The following IL12RB1 variants were observed in gnomAD, a reference collection of about 807,000 sequenced individuals.
IL12RB1 encodes interleukin-12 receptor subunit beta-1.
A neutral mutation model predicts 94.4 loss-of-function variants in IL12RB1; 64 were observed. The ratio of observed to expected loss-of-function variants is 0.68; its 90% CI spans 0.55 to 0.83. The LOEUF (loss-of-function observed/expected upper bound fraction) is 0.83, where lower values mean the gene tolerates loss of function less well. IL12RB1 is among the 40% of genes least tolerant of loss of function. The pLI is 0.00. For missense variants in IL12RB1, 814 were observed against 855.6 expected (o/e 0.95, Z 0.61); for synonymous variants, 362 against 355.5 (o/e 1.02, Z -0.21).
intron 1 of IL12RB1, among the ~76,000 whole-genome samples, chr19:18,096,425 C>A (rs1000093999): frequency 6.6e-6 from 1 of 152,048 alleles, no homozygotes; most frequent in Non-Finnish European, 1.5e-5. Flanking sequence ...ACAACTGCAG[C>A]GGCTACCTGC....
In IL12RB1 at chr19:18,075,092, A is replaced by C. The variant is rs1419406359; in HGVS notation, c.700+657T>G. Among the ~76,000 whole-genome samples the C allele has an allele frequency of 5.9e-5, 9 of 151,806 alleles. No individual in the cohort carries two copies. The East Asian group carries it at 7.8e-4, about 13-fold the overall frequency. On this transcript the variant is annotated intron_variant, in intron 7 of 16. Coordinates refer to ENST00000593993, the MANE Select transcript of IL12RB1 (RefSeq NM_005535.3). ...AAAAAACAACAAACAAACAAACAAA[A>C]AAAACAGCAGCAAAAAACCCTAAAG...
At position 18,082,188 on chromosome 19, in the gene IL12RB1, C is replaced by T. The variant is rs774683841; in HGVS notation, c.201G>A (p.Glu67=). 1.9e-6 allele frequency: 3 copies of T among 1,613,722 alleles called. No individual in the cohort carries two copies. The South Asian group carries it at 3.3e-5, about 18-fold the overall frequency. The change falls in exon 3 of 17, where the codon GAG becomes GAA. Residue 67 remains glutamate, a synonymous_variant. Transcript: ENST00000593993. ...AGTGGCTGACCCCAGCTGTGGGACC[C>T]TCATACTGCCAGGAGCACTCGTAAC... ...SDRYECSWQY[E]GPTAGVSHFL... is the part of the protein sequence containing the mutation.
intron 12 of IL12RB1, 54 bp downstream of exon 12, chr19:18,066,488 A>G: frequency 7.7e-7 from 1 of 1,295,582 alleles, no homozygotes; most frequent in Non-Finnish European, 1.1e-6. Flanking sequence ...AAGAGAGATC[A>G]CAGGCCAGGA....
intron 6 of IL12RB1, 97 bp downstream of exon 6, chr19:18,076,200 A>G (rs1231005766): frequency 1.3e-6 from 1 of 774,262 alleles, no homozygotes; most frequent in Non-Finnish European, 2.4e-6. Flanking sequence ...GGTAAGAGGC[A>G]TACAAAAAAA....
chr19:18,084,672 TCC>T (rs1568522723), intron 1 of IL12RB1, among the ~76,000 whole-genome samples: 10 of 151,804 alleles, frequency 6.6e-5, no homozygotes, highest in Non-Finnish European at 1.5e-4. Flanking sequence ...CATCCATCCA[TCC>T]ATCCATCCAT....
chr19:18,065,588 G>A (rs2034517274), intron 12 of IL12RB1, among the ~76,000 whole-genome samples: 2 of 152,284 alleles, frequency 1.3e-5, no homozygotes, highest in African/African-American at 4.8e-5. Flanking sequence ...GGAGGCCAAG[G>A]CGGGTGATTC....
intron 5 of IL12RB1, among the ~76,000 whole-genome samples, chr19:18,076,948 T>C (rs573049547): frequency 6.2e-4 from 95 of 152,188 alleles, no homozygotes; most frequent in Non-Finnish European, 1.1e-3. Flanking sequence ...CTGGAGTTTA[T>C]GTAAGACATT....
intron 1 of IL12RB1, among the ~76,000 whole-genome samples, chr19:18,083,974 T>C (rs1313578570): frequency 6.8e-6 from 1 of 147,346 alleles, no homozygotes; most frequent in Non-Finnish European, 1.5e-5. Context: ...CATGTATTCA[T>C]CCATCCATGT....
At chr19:18,078,811 C>T (rs191704415) in intron 4 of IL12RB1, among the ~76,000 whole-genome samples, 54 of 152,174 alleles carry the variant, frequency 3.5e-4, no homozygotes, top group Non-Finnish European at 4.7e-4. Context: ...TGGTCATACC[C>T]GGCCTGATTC....
intron 1 of IL12RB1, among the ~76,000 whole-genome samples, chr19:18,086,058 G>C (rs1555787984): frequency 6.6e-6 from 1 of 151,814 alleles, no homozygotes; most frequent in Non-Finnish European, 1.5e-5. Context: ...TCTGTAAAAA[G>C]TATACACCAA....
Position 18,080,842 on chromosome 19 carries a change from G to T in IL12RB1, c.399C>A (p.Leu133=). ...TEKSPEVTLQ[L]YNSVKYEPPL... ...GAACAAGGTGCTAACCTGAGTTGTAGAGCTGCAGGGTCACCTCAGGAGACT... is the reference window on the plus strand; with the variant it reads ...GAACAAGGTGCTAACCTGAGTTGTATAGCTGCAGGGTCACCTCAGGAGACT... Residue 133 remains leucine (L), a synonymous_variant, in exon 4 of 17, where the codon CTC becomes CTA. Transcript: ENST00000593993. The T allele has an allele frequency of 6.2e-7, 1 of 1,607,126 alleles. No individual in the cohort carries two copies. The highest frequency in any genetic ancestry group is 8.5e-7 in the Non-Finnish European group (1 of 1,173,628).
intron 1 of IL12RB1, among the ~76,000 whole-genome samples, chr19:18,093,784 A>C (rs2036754657): frequency 6.6e-6 from 1 of 152,120 alleles, no homozygotes; most frequent in South Asian, 2.1e-4. Context: ...GCAGGACATG[A>C]GCTTCTCATC....
At chr19:18,089,945 T>C (rs1229750327), upstream of IL12RB1, among the ~76,000 whole-genome samples, 5 of 152,210 alleles carry the variant, frequency 3.3e-5, no homozygotes, top group Non-Finnish European at 7.3e-5. Context: ...GGGGGCCCTG[T>C]GACCCCATAC....
At chr19:18,067,585 C>T (rs1035708956) in intron 11 of IL12RB1, among the ~76,000 whole-genome samples, 11 of 152,154 alleles carry the variant, frequency 7.2e-5, no homozygotes, top group South Asian at 6.2e-4. Context: ...AGGTGGATCA[C>T]GAGGTTAGGC....
intron 1 of IL12RB1, among the ~76,000 whole-genome samples, chr19:18,093,371 T>C (rs1362285696): frequency 6.6e-6 from 1 of 151,830 alleles, no homozygotes; most frequent in Non-Finnish European, 1.5e-5. Context: ...CGTGTGTGTG[T>C]GTGTGTGTGT....
chr19:18,084,898 G>C (rs897333597), intron 1 of IL12RB1, among the ~76,000 whole-genome samples: 1 of 152,214 alleles, frequency 6.6e-6, no homozygotes, highest in South Asian at 2.1e-4. Flanking sequence ...GTGTGCCTGG[G>C]GTGGCACCAG....
At chr19:18,086,089 A>G (rs1202163160) in intron 1 of IL12RB1, among the ~76,000 whole-genome samples, 2 of 152,064 alleles carry the variant, frequency 1.3e-5, no homozygotes, top group East Asian at 3.9e-4. Flanking sequence ...CAGGCATGGT[A>G]GTGTGCACCT....
chr19:18,070,680 T>C, intron 9 of IL12RB1: 1 of 247,100 alleles, frequency 4.0e-6, no homozygotes, highest in Non-Finnish European at 6.5e-6. Context: ...GGCTCACGCC[T>C]GTAATCCTAG....
At chr19:18,073,123 C>A (rs766971411) in intron 8 of IL12RB1, among the ~76,000 whole-genome samples, 18 of 151,864 alleles carry the variant, frequency 1.2e-4, no homozygotes, top group Non-Finnish European at 2.2e-4. Flanking sequence ...AGAGATACTC[C>A]CTCTATGCCT....
Sources: gnomAD v4.1 joint callset for allele counts (sites outside exome capture counted in the v4.1 genomes callset) on GRCh38, gnomAD v4.1.1 for gene constraint, MANE v1.5 for transcripts, NCBI Gene and HGNC (gene_info 2026-07-23, HGNC 2026-07-21) for gene names.